Variants in HECW1 observed in about 807,000 individuals in gnomAD.
HECW1 encodes the protein E3 ubiquitin-protein ligase HECW1.
Under a neutral mutation model 182.3 loss-of-function variants are expected in HECW1, and 61 were observed. The ratio of observed to expected loss-of-function variants is 0.33; its 90% CI spans 0.27 to 0.41. The LOEUF is 0.41. Ranked by LOEUF, HECW1 falls within the 10% of genes least tolerant of loss-of-function variation. The probability of loss-of-function intolerance (pLI) is 1.00; values close to 1 mark genes in which losing one functional copy is unlikely to be tolerated. For missense variants in HECW1, 1,739 were observed against 2,108.9 expected, an observed-to-expected ratio of 0.82 and a Z score of 3.44; for synonymous variants, 859 against 832.6, an observed-to-expected ratio of 1.03 and a Z score of -0.55.
intron 17 of HECW1, among the ~76,000 whole-genome samples, chr7:43,490,017 C>G (rs938778410): frequency 1.3e-5 from 2 of 152,126 alleles, no homozygotes; most frequent in Non-Finnish European, 2.9e-5. Flanking sequence ...TGAACTCTTT[C>G]TAAGTGTCTT....
intron 16 of HECW1, among the ~76,000 whole-genome samples, chr7:43,473,414 A>G (rs1302507464): frequency 6.6e-6 from 1 of 152,264 alleles, no homozygotes; most frequent in South Asian, 2.1e-4. Flanking sequence ...AATGAATCAA[A>G]GCACGACATT....
intron 24 of HECW1, among the ~76,000 whole-genome samples, chr7:43,539,581 T>C (rs1017255561): frequency 2.6e-5 from 4 of 152,286 alleles, no homozygotes; most frequent in African/African-American, 9.6e-5. Context: ...TCATTTAATG[T>C]TATCATTTAT....
intron 3 of HECW1, among the ~76,000 whole-genome samples, chr7:43,294,376 G>C (rs560614354): frequency 1.3e-5 from 2 of 152,280 alleles, no homozygotes; most frequent in East Asian, 3.9e-4. Context: ...TGGGGGGAGG[G>C]GGGAGGATGA....
At chr7:43,257,919 G>T (rs988566227) in intron 3 of HECW1, among the ~76,000 whole-genome samples, 1 of 152,114 alleles carries the variant, frequency 6.6e-6, no homozygotes, top group African/African-American at 2.4e-5. Context: ...CACTTGGCAG[G>T]TTTTCATTAA....
chr7:43,220,023 C>T (rs1428136652), intron 2 of HECW1, among the ~76,000 whole-genome samples: 1 of 152,158 alleles, frequency 6.6e-6, no homozygotes, highest in African/African-American at 2.4e-5. Flanking sequence ...CTGGGCCAGA[C>T]TTCGCAAGTC....
chr7:43,458,144 C>CA (rs1471939930), intron 13 of HECW1, among the ~76,000 whole-genome samples: 1 of 152,198 alleles, frequency 6.6e-6, no homozygotes, highest in Admixed American at 6.5e-5. Flanking sequence ...GTAGAAGACA[C>CA]AGTAAGCTCA....
intron 6 of HECW1, among the ~76,000 whole-genome samples, chr7:43,378,186 T>G (rs570076275): frequency 6.6e-6 from 1 of 152,362 alleles, no homozygotes; most frequent in African/African-American, 2.4e-5. Flanking sequence ...ATCTAGTTAT[T>G]CTAATCTAAT....
Position 43,396,868 on chromosome 7 carries a change from C to T in HECW1, c.610C>T (p.Leu204=). 1 of 1,612,730 alleles carries T rather than the reference C, an allele frequency of 6.2e-7. No homozygotes were observed. Among genetic ancestry groups the T allele is most frequent in the Non-Finnish European group, 8.5e-7 (1 of 1,179,440 alleles). The part of the protein sequence containing the change: ...ETVQGQGSRR[L]ISFSLSDFQA... ...CGTCCAAGGACAAGGAAGTCGGAGG[C>T]TGATCAGCTTCTCTCTCTCAGGTAT... Residue 204 remains leucine, a synonymous_variant, in exon 7 of 30, where the codon CTG becomes TTG. Coordinates refer to ENST00000395891, the MANE Select transcript of HECW1 (RefSeq NM_015052.5).
At chr7:43,409,070 A>G (rs1384173743) in intron 8 of HECW1, among the ~76,000 whole-genome samples, 1 of 152,358 alleles carries the variant, frequency 6.6e-6, no homozygotes, top group East Asian at 1.9e-4. Context: ...ACAAGAAAAC[A>G]TAATTAGACA....
At chr7:43,147,120 A>C (rs1233674040) in intron 2 of HECW1, among the ~76,000 whole-genome samples, 2 of 152,386 alleles carry the variant, frequency 1.3e-5, no homozygotes, top group South Asian at 2.1e-4. Flanking sequence ...ATCCAAGGAA[A>C]CCTTTACTAG....
At chr7:43,356,779 G>A (rs1367293790) in intron 5 of HECW1, among the ~76,000 whole-genome samples, 1 of 152,120 alleles carries the variant, frequency 6.6e-6, no homozygotes, top group African/African-American at 2.4e-5. Context: ...TAAACTACAT[G>A]CTCCTGAACA....
At chr7:43,487,571 A>G (rs985137403) in intron 17 of HECW1, among the ~76,000 whole-genome samples, 3 of 152,178 alleles carry the variant, frequency 2.0e-5, no homozygotes, top group Non-Finnish European at 2.9e-5. Context: ...GAGAAACTTA[A>G]TAAGACCAAA....
At chr7:43,216,966 T>A (rs973169535) in intron 2 of HECW1, among the ~76,000 whole-genome samples, 2 of 152,174 alleles carry the variant, frequency 1.3e-5, no homozygotes, top group African/African-American at 4.8e-5. Flanking sequence ...CAGTGTAATC[T>A]TAAAGCATCC....
intron 2 of HECW1, among the ~76,000 whole-genome samples, chr7:43,159,673 T>G (rs1481100895): frequency 6.8e-6 from 1 of 147,336 alleles, no homozygotes; most frequent in African/African-American, 2.6e-5. Context: ...CCTATTTCCT[T>G]GTATCTTTTT....
intron 2 of HECW1, among the ~76,000 whole-genome samples, chr7:43,152,658 T>A (rs1322025980): frequency 2.6e-5 from 4 of 152,210 alleles, no homozygotes; most frequent in African/African-American, 4.8e-5. Flanking sequence ...TTTGTTTTGG[T>A]CTCTATATTT....
chr7:43,528,644 A>T (rs932318123), intron 24 of HECW1, among the ~76,000 whole-genome samples: 4 of 152,122 alleles, frequency 2.6e-5, no homozygotes, highest in Admixed American at 6.6e-5. Flanking sequence ...TCTAAAAGAG[A>T]GGCACACCGC....
In HECW1 at chr7:43,492,169, C is replaced by A; in HGVS notation, c.3329C>A (p.Ser1110Ter). The A allele has an allele frequency of 6.2e-7, 1 of 1,600,512 alleles. No individual in the cohort carries two copies. The highest frequency in any genetic ancestry group is 1.1e-5 in the South Asian group (1 of 88,288). ...ATTCGAAGCCAACATCAACATGAGT[C>A]ATTGCCACTGGGTATGTATCATGCT... The part of the protein sequence containing the change: ...AAIRSQHQHE[S>*]LPLAYNDKIV... The change falls in exon 18 of 30, where the codon TCA (serine) becomes TAA (stop). Residue 1110 changes from serine (S) to a stop codon, truncating the protein, a stop_gained. Transcript: ENST00000395891. LOFTEE classifies it high-confidence loss of function.
At chr7:43,515,764 A>C (rs2080117773) in intron 24 of HECW1, among the ~76,000 whole-genome samples, 1 of 152,220 alleles carries the variant, frequency 6.6e-6, no homozygotes. Flanking sequence ...TTATTTCAAC[A>C]TTTTTAATAT....
intron 16 of HECW1, among the ~76,000 whole-genome samples, chr7:43,476,372 T>A (rs1285639262): frequency 6.6e-6 from 1 of 152,172 alleles, no homozygotes; most frequent in Non-Finnish European, 1.5e-5. Context: ...AAAAATTCTT[T>A]AATAGACATG....
Sources: allele counts gnomAD v4.1 joint callset (sites outside exome capture counted in the v4.1 genomes callset), GRCh38; gene constraint gnomAD v4.1.1; transcripts MANE v1.5; gene names NCBI Gene and HGNC (gene_info 2026-07-23, HGNC 2026-07-21).